Variants in HAO1 observed in about 807,000 individuals in gnomAD.
HAO1 encodes the protein 2-Hydroxyacid oxidase 1.
HAO1 carries 34 observed loss-of-function variants against 39.7 expected under a neutral mutation model. The ratio of observed to expected loss-of-function variants is 0.86; its 90% CI spans 0.65 to 1.14. The LOEUF is 1.14. Among genes scored for constraint, HAO1 ranks in the 50% most tolerant of loss-of-function variants. The pLI, the probability that HAO1 is intolerant of heterozygous loss-of-function variation, is 0.00. For synonymous variants in HAO1, 172 were observed against 173.2 expected (o/e 0.99, Z 0.05); for missense variants, 479 against 464.5 (o/e 1.03, Z -0.29).
chr20:7,929,250 C>A (rs998302819), intron 2 of HAO1, among the ~76,000 whole-genome samples: 27 of 152,098 alleles, frequency 1.8e-4, no homozygotes, highest in Admixed American at 9.2e-4. Flanking sequence ...ATGGAATATA[C>A]TTTTCTGAAA....
intron 2 of HAO1, among the ~76,000 whole-genome samples, chr20:7,917,365 TGAA>T (rs1184038558): frequency 7.0e-6 from 1 of 142,464 alleles, no homozygotes; most frequent in Non-Finnish European, 1.5e-5. Context: ...AAAAAAGTCC[TGAA>T]GAGGATGTTA....
chr20:7,906,276 C>G lies in HAO1; in HGVS notation c.599G>C (p.Gly200Ala). The change falls in exon 4 of 8, where the codon GGA (glycine) becomes GCA (alanine). Residue 200 changes from glycine (G) to alanine (A), a missense_variant. Physicochemically the swap from Gly to Ala is moderately conservative, Grantham distance 60 (BLOSUM62 0). Coordinates refer to ENST00000378789, the MANE Select transcript of HAO1 (RefSeq NM_017545.3). ...ATATGCAGCAAGTCCACTGTCGTCTCCAAAATTTTCCTCAGGAGAAAATGA... is the reference window on the plus strand; with the variant it reads ...ATATGCAGCAAGTCCACTGTCGTCTGCAAAATTTTCCTCAGGAGAAAATGA... ...TLSFSPEENFGDDSGLAAYVA... is the reference protein window; with the variant it reads ...TLSFSPEENFADDSGLAAYVA... 6.2e-7 allele frequency: 1 copy of G among 1,612,134 alleles called. No homozygotes were observed. The highest frequency in any genetic ancestry group is 1.1e-5 in the South Asian group (1 of 91,038).
rs200824892 is a variant in HAO1 at position 7,906,153 on chromosome 20, C to A, written c.721+1G>T. On this transcript the variant is annotated splice_donor_variant, in intron 4 of 7. Transcript: ENST00000378789. LOFTEE classifies it high-confidence loss of function. Reference sequence around the variant, plus strand: ...GAATTCAAGTAGAGAAATAAACGAACCTCTCAAAATGCCCTTTGCAACAAT... The same window carrying A: ...GAATTCAAGTAGAGAAATAAACGAAACTCTCAAAATGCCCTTTGCAACAAT... 25 of 1,604,458 alleles carry A rather than the reference C, an allele frequency of 1.6e-5. No individual in the cohort carries two copies. The highest frequency in any genetic ancestry group is 4.5e-5 in the East Asian group (2 of 44,766).
chr20:7,915,084 C>A (rs1381256038), intron 2 of HAO1, among the ~76,000 whole-genome samples: 1 of 152,050 alleles, frequency 6.6e-6, no homozygotes, highest in Non-Finnish European at 1.5e-5. Flanking sequence ...TGCAGCATTG[C>A]GCTCTAGCCT....
At chr20:7,910,476 G>A (rs1295347766) in intron 3 of HAO1, among the ~76,000 whole-genome samples, 1 of 152,028 alleles carries the variant, frequency 6.6e-6, no homozygotes, top group Non-Finnish European at 1.5e-5. Context: ...ATATCAATAG[G>A]GCTGTATTTC....
intron 5 of HAO1, among the ~76,000 whole-genome samples, chr20:7,892,155 G>A (rs1373238714): frequency 1.3e-5 from 2 of 152,180 alleles, no homozygotes; most frequent in East Asian, 1.9e-4. Context: ...CATGGATCTC[G>A]GCTCACTGCA....
At chr20:7,939,303 A>G (rs1227403644) in intron 1 of HAO1, among the ~76,000 whole-genome samples, 1 of 152,188 alleles carries the variant, frequency 6.6e-6, no homozygotes, top group East Asian at 1.9e-4. Context: ...AGTCTTCTAC[A>G]TGGATTTGTG....
chr20:7,918,559 C>G (rs1410220625), intron 2 of HAO1, among the ~76,000 whole-genome samples: 1 of 152,184 alleles, frequency 6.6e-6, no homozygotes, highest in Non-Finnish European at 1.5e-5. Flanking sequence ...CCTTTTCTCC[C>G]CAAGGAATCC....
intron 2 of HAO1, among the ~76,000 whole-genome samples, chr20:7,922,094 C>A (rs1403514135): frequency 2.0e-5 from 3 of 151,882 alleles, no homozygotes; most frequent in Non-Finnish European, 4.4e-5. Context: ...ACATGGCTCC[C>A]TGATTCTAAA....
chr20:7,905,152 T>C (rs1026830239), intron 4 of HAO1, among the ~76,000 whole-genome samples: 4 of 151,782 alleles, frequency 2.6e-5, no homozygotes, highest in Non-Finnish European at 5.9e-5. Flanking sequence ...ACAACTATTA[T>C]ATATCGATTT....
intron 2 of HAO1, among the ~76,000 whole-genome samples, chr20:7,926,864 T>C (rs2050361435): frequency 1.8e-5 from 2 of 109,206 alleles, no homozygotes; most frequent in South Asian, 9.6e-4. Context: ...CTTTTAAAAC[T>C]TTTTTTTTTT....
At chr20:7,922,802 G>T (rs1035322229) in intron 2 of HAO1, among the ~76,000 whole-genome samples, 4 of 151,910 alleles carry the variant, frequency 2.6e-5, no homozygotes, top group Admixed American at 6.6e-5. Context: ...GTAAGTTTTT[G>T]GTTTCTCTAC....
intron 1 of HAO1, among the ~76,000 whole-genome samples, chr20:7,938,797 G>A (rs1428521939): frequency 6.6e-6 from 1 of 152,074 alleles, no homozygotes; most frequent in African/African-American, 2.4e-5. Flanking sequence ...TCACTGCTTT[G>A]TCCTCAGCAT....
intron 2 of HAO1, among the ~76,000 whole-genome samples, chr20:7,917,735 A>G (rs2050313782): frequency 6.6e-6 from 1 of 152,216 alleles, no homozygotes; most frequent in Non-Finnish European, 1.5e-5. Flanking sequence ...GTAGTCAAGC[A>G]GCAGCTCTGC....
chr20:7,910,176 G>A (rs1003530328), intron 3 of HAO1, among the ~76,000 whole-genome samples: 1 of 152,116 alleles, frequency 6.6e-6, no homozygotes, highest in Non-Finnish European at 1.5e-5. Context: ...CCTGCCCATG[G>A]TAAGCATAAT....
chr20:7,928,659 T>C (rs1021651956), intron 2 of HAO1, among the ~76,000 whole-genome samples: 2 of 152,258 alleles, frequency 1.3e-5, no homozygotes, highest in Non-Finnish European at 2.9e-5. Context: ...CCACTGGTCT[T>C]GCTCAAGTAG....
chr20:7,904,812 G>T (rs907968191), intron 4 of HAO1, among the ~76,000 whole-genome samples: 1 of 152,166 alleles, frequency 6.6e-6, no homozygotes, highest in African/African-American at 2.4e-5. Context: ...ATAAATAAAT[G>T]AATGGCACAG....
At chr20:7,901,338 A>T (rs2050220445) in intron 4 of HAO1, among the ~76,000 whole-genome samples, 1 of 152,134 alleles carries the variant, frequency 6.6e-6, no homozygotes, top group African/African-American at 2.4e-5. Flanking sequence ...CTCATACTGG[A>T]AGAAGATGCC....
chr20:7,894,200 C>T (rs1169141546), intron 5 of HAO1, among the ~76,000 whole-genome samples: 1 of 152,168 alleles, frequency 6.6e-6, no homozygotes. Flanking sequence ...TGTCCCTCTC[C>T]ATGGCTTCGG....
Sources: allele counts gnomAD v4.1 joint callset (sites outside exome capture counted in the v4.1 genomes callset), GRCh38; gene constraint gnomAD v4.1.1; transcripts MANE v1.5; gene names NCBI Gene and HGNC (gene_info 2026-07-23, HGNC 2026-07-21).